The following DNAJC5 variants were observed in gnomAD, a reference collection of about 807,000 sequenced individuals.
DNAJC5 encodes dnaJ homolog subfamily C member 5.
In DNAJC5, 1 loss-of-function variant was observed where a neutral mutation model predicts 23.2. The observed-to-expected ratio is 0.04, with a 90% CI of 0.02 to 0.20. The LOEUF (loss-of-function observed/expected upper bound fraction) is 0.20, where lower values mean the gene tolerates loss of function less well. DNAJC5 is among the 10% of genes least tolerant of loss of function. The pLI is 1.00. For missense variants in DNAJC5, 180 were observed against 267.0 expected (o/e 0.67, Z 2.27); for synonymous variants, 136 against 120.0 (o/e 1.13, Z -0.87).
At chr20:63,911,220 T>TCTA (rs1254492045) in intron 1 of DNAJC5, among the ~76,000 whole-genome samples, 3 of 152,194 alleles carry the variant, frequency 2.0e-5, no homozygotes, top group Non-Finnish European at 4.4e-5. Context: ...GTTTTGTTTC[T>TCTA]CTGTAGCTAA....
At chr20:63,930,043 G>T (rs534270986) in intron 3 of DNAJC5, among the ~76,000 whole-genome samples, 1 of 152,218 alleles carries the variant, frequency 6.6e-6, no homozygotes, top group Admixed American at 6.5e-5. Flanking sequence ...TGTTACATCC[G>T]CATTTCTTCG....
chr20:63,919,392 G>A (rs1227385967), intron 1 of DNAJC5: 1 of 494,500 alleles, frequency 2.0e-6, no homozygotes, highest in Non-Finnish European at 4.1e-6. Context: ...GCACCCGGCT[G>A]TGTGGACATG....
rs983544421 is a variant in DNAJC5, at chr20:63,911,806, T to G, written c.-12+16483T>G. Among the ~76,000 whole-genome samples, 4 of 151,884 alleles carry G rather than the reference T, an allele frequency of 2.6e-5. 1 individual carries two copies. Reference sequence around the variant, plus strand: ...CTCCCATCCCAACCACCTGAGTAACTGGGACCACAGGTGTGCACCATCACG... The same window carrying G: ...CTCCCATCCCAACCACCTGAGTAACGGGGACCACAGGTGTGCACCATCACG... On this transcript the variant is annotated intron_variant, in intron 1 of 4. Transcript: ENST00000360864.
intron 1 of DNAJC5, among the ~76,000 whole-genome samples, chr20:63,918,166 G>A (rs1037482208): frequency 6.6e-6 from 1 of 152,216 alleles, no homozygotes; most frequent in South Asian, 2.1e-4. Context: ...CACTGGAGAT[G>A]AATGAATTGT....
intron 1 of DNAJC5, among the ~76,000 whole-genome samples, chr20:63,899,656 A>C (rs2053397054): frequency 6.6e-6 from 1 of 152,152 alleles, no homozygotes; most frequent in Non-Finnish European, 1.5e-5. Flanking sequence ...ACCTTGGCTC[A>C]CTGCAACCTC....
rs369916058 is a variant in DNAJC5 at position 63,931,261 on chromosome 20, C to T, written c.494-204C>T. The T allele has an allele frequency of 7.7e-6, 6 of 781,052 alleles. No homozygotes were observed. Among genetic ancestry groups the T allele is most frequent in the Non-Finnish European group, 1.1e-5 (5 of 461,680 alleles). 48.4% of individuals were successfully genotyped at this position (781,052 alleles called of 1,614,324 possible). A position where few individuals can be genotyped will look rare whatever the true frequency, so the allele number is the denominator to read the frequency against. ...CCAGGGACTGCGAGGCGGGGCAGGG[C>T]GGCAGGCAGTTGGGGCGGGGCTGAG... On this transcript the variant is annotated intron_variant, in intron 4 of 4. Coordinates refer to ENST00000360864, the MANE Select transcript of DNAJC5 (RefSeq NM_025219.3). The surrounding 1 kb of genome is among the most constrained non-coding windows in gnomAD (Gnocchi z 9.6).
At chr20:63,899,154 T>C (rs1334941167) in intron 1 of DNAJC5, among the ~76,000 whole-genome samples, 2 of 152,084 alleles carry the variant, frequency 1.3e-5, no homozygotes, top group African/African-American at 4.8e-5. Context: ...AGGCAGTAAA[T>C]GAAAGGTGTC....
intron 1 of DNAJC5, among the ~76,000 whole-genome samples, chr20:63,927,477 T>G (rs1600883474): frequency 6.6e-6 from 1 of 151,634 alleles, no homozygotes; most frequent in Non-Finnish European, 1.5e-5. Context: ...GAGGCGGAGG[T>G]TGTGGTGAGC....
At chr20:63,912,367 C>T (rs1395834028) in intron 1 of DNAJC5, among the ~76,000 whole-genome samples, 2 of 151,078 alleles carry the variant, frequency 1.3e-5, no homozygotes, top group Admixed American at 6.6e-5. Context: ...CGTCTTTTCT[C>T]TAGCTTGCTT....
intron 1 of DNAJC5, among the ~76,000 whole-genome samples, chr20:63,902,731 A>G (rs1480912897): frequency 7.2e-6 from 1 of 139,166 alleles, no homozygotes; most frequent in Non-Finnish European, 1.5e-5. Context: ...GCTGGAGTGC[A>G]GTGACTCAGT....
intron 1 of DNAJC5, among the ~76,000 whole-genome samples, chr20:63,921,047 C>T (rs1219623560): frequency 6.6e-6 from 1 of 152,062 alleles, no homozygotes; most frequent in Non-Finnish European, 1.5e-5. Context: ...GCAAACTCCA[C>T]CTCCCGGGTT....
chr20:63,916,170 ACTC>A (rs1267567287), intron 1 of DNAJC5, among the ~76,000 whole-genome samples: 1 of 152,064 alleles, frequency 6.6e-6, no homozygotes, highest in African/African-American at 2.4e-5. Context: ...CTGGTCTCAA[ACTC>A]CTGGCCTCAA....
intron 1 of DNAJC5, among the ~76,000 whole-genome samples, chr20:63,914,418 G>A (rs1398642723): frequency 6.6e-6 from 1 of 151,730 alleles, no homozygotes; most frequent in Non-Finnish European, 1.5e-5. Context: ...GGGTTCACGC[G>A]ATTCTCCCGC....
chr20:63,926,004 A>G (rs1037086072), intron 1 of DNAJC5, among the ~76,000 whole-genome samples: 3 of 151,440 alleles, frequency 2.0e-5, no homozygotes, highest in African/African-American at 7.3e-5. Flanking sequence ...ATTTTTTTGT[A>G]TTTTTATTAG....
At chr20:63,908,578 G>A (rs1023886009) in intron 1 of DNAJC5, among the ~76,000 whole-genome samples, 2 of 152,166 alleles carry the variant, frequency 1.3e-5, no homozygotes, top group Non-Finnish European at 2.9e-5. Flanking sequence ...TAGGATTGTG[G>A]TCATAGGTAT....
At position 63,896,848 on chromosome 20, in the gene DNAJC5, A is replaced by G. The variant is rs1026082474; in HGVS notation, c.-12+1525A>G. ...CCAGTAAATATTTGTTCAGTGAATG[A>G]ACGTGAGGAGCTTAGCAGCAGCTGT... On this transcript the variant is annotated intron_variant, in intron 1 of 4. Transcript: ENST00000360864. Among the ~76,000 whole-genome samples the G allele has an allele frequency of 3.3e-5, 5 of 152,180 alleles. No homozygotes were observed. In the East Asian group the frequency reaches 9.6e-4, roughly 29 times the overall value.
intron 1 of DNAJC5, chr20:63,919,527 G>A (rs6089780): frequency 0.056 from 11,002 of 196,490 alleles, 1,101 homozygotes; most frequent in East Asian, 0.3. Context: ...CCCAGGGCCC[G>A]GGACAGCGCC....
chr20:63,913,742 A>ATG (rs2053498198), intron 1 of DNAJC5, among the ~76,000 whole-genome samples: 1 of 151,568 alleles, frequency 6.6e-6, no homozygotes, highest in Admixed American at 6.6e-5. Flanking sequence ...GACCACGCCC[A>ATG]GCTAATTTTG....
chr20:63,924,137 TTTA>T (rs1267610904), intron 1 of DNAJC5, among the ~76,000 whole-genome samples: 2 of 152,184 alleles, frequency 1.3e-5, no homozygotes, highest in African/African-American at 4.8e-5. Flanking sequence ...TTTTGTTCTT[TTTA>T]TTAATGTTGC....
Sources: gnomAD v4.1 joint callset for allele counts (sites outside exome capture counted in the v4.1 genomes callset) on GRCh38, gnomAD v4.1.1 for gene constraint, Gnocchi (gnomAD v3.1) non-coding constraint, MANE v1.5 for transcripts, NCBI Gene and HGNC (gene_info 2026-07-23, HGNC 2026-07-21) for gene names.